UGT1A8: variants seen among roughly 807,000 people sequenced by gnomAD.
The protein encoded by UGT1A8 is UDP-glucuronosyltransferase 1A8.
A neutral mutation model predicts 45.3 loss-of-function variants in UGT1A8; 39 were observed. The observed-to-expected ratio is 0.86, with a 90% CI of 0.67 to 1.12. The LOEUF is 1.12. Ranked by LOEUF, UGT1A8 falls within the 50% of genes most tolerant of loss-of-function variation. The probability of loss-of-function intolerance (pLI) is 0.00; values close to 1 mark genes in which losing one functional copy is unlikely to be tolerated. For missense variants in UGT1A8, 719 were observed against 664.9 expected (o/e 1.08, Z -0.90); for synonymous variants, 275 against 249.2 (o/e 1.10, Z -0.97).
At chr2:233,719,730 C>G in intron 1 of UGT1A8, 3 of 1,613,500 alleles carry the variant, frequency 1.9e-6, no homozygotes, top group Non-Finnish European at 2.5e-6. Flanking sequence ...CCAGGCAAAA[C>G]ACTTTTTAAA....
At chr2:233,647,685 T>A (rs956814488) in intron 1 of UGT1A8, among the ~76,000 whole-genome samples, 3 of 152,240 alleles carry the variant, frequency 2.0e-5, no homozygotes, top group Admixed American at 6.5e-5. Context: ...ATGAACTTGT[T>A]CATGTTTCTT....
At chr2:233,623,317 A>G (rs2073041776) in intron 1 of UGT1A8, among the ~76,000 whole-genome samples, 1 of 152,190 alleles carries the variant, frequency 6.6e-6, no homozygotes, top group Non-Finnish European at 1.5e-5. Flanking sequence ...TACCTTGGGC[A>G]GTATGGCCAT....
At chr2:233,674,963 G>C (rs1051126969) in intron 1 of UGT1A8, among the ~76,000 whole-genome samples, 1 of 152,176 alleles carries the variant, frequency 6.6e-6, no homozygotes, top group Non-Finnish European at 1.5e-5. Flanking sequence ...CTGGGAAACA[G>C]GATTCAGAGT....
chr2:233,637,346 T>C, intron 1 of UGT1A8: 1 of 1,613,834 alleles, frequency 6.2e-7, no homozygotes, highest in South Asian at 1.1e-5. Flanking sequence ...ATTGGTGGTA[T>C]CAACTGTCAT....
chr2:233,750,970 G>T (rs1694602078), intron 1 of UGT1A8, among the ~76,000 whole-genome samples: 1 of 151,844 alleles, frequency 6.6e-6, no homozygotes, highest in South Asian at 2.1e-4. Flanking sequence ...GCACTGCCTA[G>T]TGGAGTTGTG....
At chr2:233,765,532 C>T (rs769087620) in intron 1 of UGT1A8, among the ~76,000 whole-genome samples, 15 of 152,064 alleles carry the variant, frequency 9.9e-5, no homozygotes, top group Non-Finnish European at 2.1e-4. Context: ...CGCATGTTCT[C>T]ACTCATAAGT....
At position 233,633,502 on chromosome 2, in the gene UGT1A8, A is replaced by T. The variant is rs1486432429; in HGVS notation, c.855+14940A>T. ...CAATTTCAAAACCTGTTATTGGTCT[A>T]TTCAGGAATTCTGCTTCTTCCTGGT... On this transcript the variant is annotated intron_variant, in intron 1 of 4. Coordinates refer to ENST00000373450, the MANE Select transcript of UGT1A8 (RefSeq NM_019076.5). Among the ~76,000 whole-genome samples the T allele has an allele frequency of 3.9e-5, 6 of 152,194 alleles. No homozygotes were observed. In the East Asian group the frequency reaches 1.2e-3, roughly 29 times the overall value.
intron 1 of UGT1A8, among the ~76,000 whole-genome samples, chr2:233,656,379 G>A (rs1490147843): frequency 1.3e-5 from 2 of 152,198 alleles, no homozygotes; most frequent in African/African-American, 2.4e-5. Context: ...TCAGCCTCTT[G>A]TCCAATGAAA....
At chr2:233,670,456 A>T (rs1370457022) in intron 1 of UGT1A8, among the ~76,000 whole-genome samples, 1 of 152,236 alleles carries the variant, frequency 6.6e-6, no homozygotes, top group Non-Finnish European at 1.5e-5. Flanking sequence ...TTCAGTGCCC[A>T]TTCATGGAAG....
intron 1 of UGT1A8, among the ~76,000 whole-genome samples, chr2:233,698,691 T>TA (rs937682275): frequency 1.3e-5 from 2 of 152,038 alleles, no homozygotes; most frequent in Non-Finnish European, 2.9e-5. Context: ...AATACATTTC[T>TA]AAAAAAAATG....
intron 1 of UGT1A8, among the ~76,000 whole-genome samples, chr2:233,660,232 T>C (rs997409570): frequency 5.9e-5 from 9 of 152,206 alleles, no homozygotes; most frequent in Non-Finnish European, 1.3e-4. Context: ...TTTCATGATG[T>C]TCGCCCCGCT....
intron 1 of UGT1A8, among the ~76,000 whole-genome samples, chr2:233,737,177 G>A (rs566988062): frequency 3.9e-5 from 6 of 152,300 alleles, no homozygotes; most frequent in Middle Eastern, 3.4e-3. Flanking sequence ...AGTCTATAGC[G>A]GCAGTAGCCC....
chr2:233,687,184 A>G (rs2074826727), intron 1 of UGT1A8, among the ~76,000 whole-genome samples: 1 of 152,216 alleles, frequency 6.6e-6, no homozygotes, highest in Non-Finnish European at 1.5e-5. Context: ...TGAATCAGCA[A>G]TACCCGTAAT....
intron 1 of UGT1A8, among the ~76,000 whole-genome samples, chr2:233,762,456 GATA>G (rs1312099964): frequency 6.6e-6 from 1 of 152,130 alleles, no homozygotes; most frequent in African/African-American, 2.4e-5. Flanking sequence ...CCCACTTACC[GATA>G]ATGTCATGGA....
At chr2:233,713,812 T>C (rs1478961341) in intron 1 of UGT1A8, 1 of 1,613,968 alleles carries the variant, frequency 6.2e-7, no homozygotes, top group Non-Finnish European at 8.5e-7. Flanking sequence ...CCCAACATGG[T>C]CTTCATTGGG....
chr2:233,755,215 T>TA (rs1473276470), intron 1 of UGT1A8: 1 of 1,037,208 alleles, frequency 9.6e-7, no homozygotes, highest in Admixed American at 1.9e-5. Context: ...GCCTTCTTGA[T>TA]ACCCTCGGAC....
intron 1 of UGT1A8, chr2:233,743,219 T>A (rs1133491): frequency 5.8e-5 from 24 of 411,238 alleles, no homozygotes; most frequent in Middle Eastern, 7.1e-4. Flanking sequence ...TAACTGCTCT[T>A]TGCTATTTAT....
At chr2:233,741,745 T>C (rs1691762813) in intron 1 of UGT1A8, 2 of 151,906 alleles carry the variant, frequency 1.3e-5, no homozygotes, top group African/African-American at 4.9e-5. Context: ...TCACACTCTT[T>C]GTTGGTTAAT....
intron 1 of UGT1A8, among the ~76,000 whole-genome samples, chr2:233,727,176 C>G (rs2077590030): frequency 6.6e-6 from 1 of 152,122 alleles, no homozygotes; most frequent in Non-Finnish European, 1.5e-5. Context: ...TTTTCTGTCT[C>G]TGGACTTTGC....
Sources: gnomAD v4.1 joint callset for allele counts (sites outside exome capture counted in the v4.1 genomes callset) on GRCh38, gnomAD v4.1.1 for gene constraint, MANE v1.5 for transcripts, NCBI Gene and HGNC (gene_info 2026-07-23, HGNC 2026-07-21) for gene names.